Variants in HOMER1 observed in about 807,000 individuals in gnomAD.
HOMER1 encodes homer scaffold protein 1.
A neutral mutation model predicts 48.9 loss-of-function variants in HOMER1; 3 were observed. That is an observed-to-expected ratio of 0.06 (90% CI 0.03 to 0.16). The LOEUF is 0.16. Among genes scored for constraint, HOMER1 ranks in the 10% least tolerant of loss-of-function variants. HOMER1 has a pLI of 1.00. For missense variants in HOMER1, 247 were observed against 411.4 expected (o/e 0.60, Z 3.46); for synonymous variants, 134 against 146.4 (o/e 0.92, Z 0.61).
At chr5:79,435,198 GAACA>G (rs58120545) in intron 5 of HOMER1, among the ~76,000 whole-genome samples, 8,561 of 152,134 alleles carry the variant, frequency 0.056, 754 homozygotes, top group African/African-American at 0.19. Flanking sequence ...AAGACTTAAA[GAACA>G]AACTAACCAC....
intron 8 of HOMER1, among the ~76,000 whole-genome samples, chr5:79,392,250 T>C (rs1165375772): frequency 1.3e-5 from 2 of 152,164 alleles, no homozygotes; most frequent in African/African-American, 4.8e-5. Flanking sequence ...GGCAGGTCCT[T>C]CAGGGGGTAT....
At chr5:79,403,721 T>C (rs1453115437) in intron 5 of HOMER1, among the ~76,000 whole-genome samples, 1 of 152,208 alleles carries the variant, frequency 6.6e-6, no homozygotes, top group Admixed American at 6.5e-5. Flanking sequence ...TTGATCATTG[T>C]ATTATGGTTA....
chr5:79,503,022 C>T (rs376193830), intron 1 of HOMER1, among the ~76,000 whole-genome samples: 19 of 151,994 alleles, frequency 1.3e-4, no homozygotes, highest in Non-Finnish European at 1.6e-4. Context: ...GATCTGACCT[C>T]GTGATCTGCC....
At chr5:79,423,109 T>C (rs774495553) in intron 5 of HOMER1, among the ~76,000 whole-genome samples, 25 of 152,184 alleles carry the variant, frequency 1.6e-4, no homozygotes, top group African/African-American at 5.5e-4. Flanking sequence ...TTTCCAAGTA[T>C]AGCAGTATGT....
chr5:79,394,411 C>A (rs1462134062), intron 8 of HOMER1, among the ~76,000 whole-genome samples: 1 of 152,162 alleles, frequency 6.6e-6, no homozygotes, highest in Non-Finnish European at 1.5e-5. Context: ...GTAGCTTGTT[C>A]TTTTAGAATT....
At chr5:79,465,468 GTATT>G (rs1751431116) in intron 1 of HOMER1, among the ~76,000 whole-genome samples, 1 of 150,692 alleles carries the variant, frequency 6.6e-6, no homozygotes, top group African/African-American at 2.4e-5. Flanking sequence ...ATGACATTAA[GTATT>G]TAATTGATGT....
chr5:79,435,264 T>C (rs1374360989), intron 5 of HOMER1, among the ~76,000 whole-genome samples: 1 of 152,218 alleles, frequency 6.6e-6, no homozygotes, highest in Non-Finnish European at 1.5e-5. Context: ...TTTTGACATG[T>C]TAATTAACAA....
intron 6 of HOMER1, among the ~76,000 whole-genome samples, chr5:79,400,902 G>A (rs1311301756): frequency 7.5e-6 from 1 of 133,136 alleles, no homozygotes; most frequent in East Asian, 2.1e-4. Context: ...GTGTCCCCAT[G>A]CTTGGTTAAT....
chr5:79,381,899 T>C (rs192474484), intron 8 of HOMER1, among the ~76,000 whole-genome samples: 292 of 143,934 alleles, frequency 2.0e-3, no homozygotes, highest in African/African-American at 6.9e-3. Context: ...AAAAAAAAAG[T>C]ACAAAGAAAT....
chr5:79,431,363 C>CA (rs35337297), intron 5 of HOMER1, among the ~76,000 whole-genome samples: 95,872 of 151,594 alleles, frequency 0.63, 33,481 homozygotes, highest in East Asian at 0.99. Context: ...GAGCCAGTCA[C>CA]AAAGGCCACA....
At chr5:79,478,395 T>C (rs559715195) in intron 1 of HOMER1, among the ~76,000 whole-genome samples, 1 of 152,146 alleles carries the variant, frequency 6.6e-6, no homozygotes, top group Non-Finnish European at 1.5e-5. Context: ...TAGTTAGAAA[T>C]ATAAAATACT....
rs1386703374 is a variant in HOMER1, at chr5:79,375,738, T to C, written c.*271A>G. ...GAAAAAAGATTGCATTAAGTGTCTA[T>C]TTATAACTTTCTAGTTAACTATGGC... On this transcript the variant is annotated 3_prime_UTR_variant, in exon 9 of 9. Coordinates refer to ENST00000334082, the MANE Select transcript of HOMER1 (RefSeq NM_004272.5). 2 of 283,698 alleles carry C rather than the reference T, an allele frequency of 7.0e-6. No homozygotes were observed. The highest frequency in any genetic ancestry group is 2.2e-5 in the African/African-American group (1 of 45,882). The allele number at this position is 283,698 out of a possible 1,614,324, so 17.6% of individuals were successfully genotyped here. A position where few individuals can be genotyped will look rare whatever the true frequency, so the allele number is the denominator to read the frequency against.
At chr5:79,479,489 T>C (rs1476073397) in intron 1 of HOMER1, among the ~76,000 whole-genome samples, 2 of 152,160 alleles carry the variant, frequency 1.3e-5, no homozygotes, top group Non-Finnish European at 2.9e-5. Flanking sequence ...GATTTGAAGA[T>C]TCCATGTGCT....
chr5:79,446,213 C>T (rs566547509), intron 4 of HOMER1, among the ~76,000 whole-genome samples: 18 of 152,292 alleles, frequency 1.2e-4, no homozygotes, highest in East Asian at 1.2e-3. Context: ...CTTAATCCAT[C>T]CCAGGGCCAG....
intron 1 of HOMER1, among the ~76,000 whole-genome samples, chr5:79,490,541 C>T (rs1752239354): frequency 6.6e-6 from 1 of 151,934 alleles, no homozygotes; most frequent in Non-Finnish European, 1.5e-5. Flanking sequence ...ATATTTAAAA[C>T]TCAAATTGCT....
intron 5 of HOMER1, among the ~76,000 whole-genome samples, chr5:79,410,502 A>G (rs11955107): frequency 0.03 from 4,541 of 151,504 alleles, 215 homozygotes; most frequent in African/African-American, 0.1. Context: ...AAAAAAAAAA[A>G]AAAAAGAAAA....
At chr5:79,386,401 G>A (rs147769750) in intron 8 of HOMER1, among the ~76,000 whole-genome samples, 1 of 152,252 alleles carries the variant, frequency 6.6e-6, no homozygotes, top group Non-Finnish European at 1.5e-5. Context: ...TGATATGTGG[G>A]ACCTGAAGTA....
Position 79,439,072 on chromosome 5 carries a change from A to C in HOMER1, c.465T>G (p.Asp155Glu), listed in dbSNP as rs1474457832. ...INGTDDERTPDVTQNSEPRAE... is the reference protein window; with the variant it reads ...INGTDDERTPEVTQNSEPRAE... ...CCCTTGGCTCTGAGTTCTGTGTCAC[A>C]TCAGGTGTTCTTTCATCATCTGTCC... Residue 155 changes from aspartate to glutamate, a missense_variant, in exon 5 of 9, where the codon GAT (aspartate) becomes GAG (glutamate). Around this residue, in one of 4 missense-constraint regions of HOMER1, gnomAD observed 94 missense variants for 112.4 expected, o/e 0.84. Transcript: ENST00000334082. The C allele has an allele frequency of 1.9e-6, 3 of 1,613,788 alleles. No homozygotes were observed. Among genetic ancestry groups the C allele is most frequent in the African/African-American group, 1.3e-5 (1 of 74,930 alleles).
chr5:79,376,443 C>T (rs7701117), intron 8 of HOMER1, among the ~76,000 whole-genome samples: 7,997 of 152,104 alleles, frequency 0.053, 526 homozygotes, highest in African/African-American at 0.15. Context: ...TGACTCATTA[C>T]TTTGTGCCAG....
Sources: gnomAD v4.1 joint callset for allele counts (sites outside exome capture counted in the v4.1 genomes callset) on GRCh38, gnomAD v4.1.1 for gene constraint, gnomAD v4.1.1 regional missense constraint, MANE v1.5 for transcripts, NCBI Gene and HGNC (gene_info 2026-07-23, HGNC 2026-07-21) for gene names.